The following ADAP1 variants were observed in gnomAD, a reference collection of about 807,000 sequenced individuals.
ADAP1 encodes arf-GAP with dual PH domain-containing protein 1.
A neutral mutation model predicts 54.9 loss-of-function variants in ADAP1; 31 were observed. That is an observed-to-expected ratio of 0.56 (90% CI 0.42 to 0.76). The LOEUF is 0.76. Ranked by LOEUF, ADAP1 falls within the 30% of genes least tolerant of loss-of-function variation. The probability of loss-of-function intolerance (pLI) is 0.00; values close to 1 mark genes in which losing one functional copy is unlikely to be tolerated. For missense variants in ADAP1, 535 were observed against 512.4 expected (o/e 1.04, Z -0.42); for synonymous variants, 313 against 202.6 (o/e 1.55, Z -4.63).
In ADAP1 at chr7:938,526, A is replaced by G. The variant is rs1036197373; in HGVS notation, c.83-3021T>C. Among the ~76,000 whole-genome samples the G allele has an allele frequency of 4.6e-5, 7 of 152,102 alleles. No homozygotes were observed. Among genetic ancestry groups the G allele is most frequent in the Admixed American group, 3.9e-4 (6 of 15,270 alleles). ...CACACCCCTGGAGAACAGGTGGGGAAGAACCACACTGAAGTCCCAGAAGAG... is the reference window on the plus strand; with the variant it reads ...CACACCCCTGGAGAACAGGTGGGGAGGAACCACACTGAAGTCCCAGAAGAG... On this transcript the variant is annotated intron_variant, in intron 1 of 10. Coordinates refer to ENST00000265846, the MANE Select transcript of ADAP1 (RefSeq NM_006869.4). This position sits in a 1 kb window ranked among gnomAD's most constrained non-coding sequence, Gnocchi z 4.4.
rs1183375519 is a variant in ADAP1 at position 946,476 on chromosome 7, C to G, written c.82+7920G>C. Among the ~76,000 whole-genome samples, 1 of 152,222 alleles carries G rather than the reference C, an allele frequency of 6.6e-6. No homozygotes were observed. Among genetic ancestry groups the G allele is most frequent in the African/African-American group, 2.4e-5 (1 of 41,452 alleles). On this transcript the variant is annotated intron_variant, in intron 1 of 10. Coordinates refer to ENST00000265846, the MANE Select transcript of ADAP1 (RefSeq NM_006869.4). This position sits in a 1 kb window ranked among gnomAD's most constrained non-coding sequence, Gnocchi z 4.3. ...CTACCCGGTTCAGGGACACGTGCCCCTCTCCTGGATCCCTCCCAGCAGCAC... is the reference window on the plus strand; with the variant it reads ...CTACCCGGTTCAGGGACACGTGCCCGTCTCCTGGATCCCTCCCAGCAGCAC...
chr7:905,259 T>C (rs1322479939), intron 4 of ADAP1, 87 bp from the exon 5 acceptor site: 5 of 619,994 alleles, frequency 8.1e-6, no homozygotes, highest in African/African-American at 3.0e-5. Flanking sequence ...AGAGGGGACA[T>C]GGGGAGAAGA....
intron 3 of ADAP1, among the ~76,000 whole-genome samples, chr7:923,590 C>T (rs762419956): frequency 2.0e-5 from 3 of 152,060 alleles, no homozygotes; most frequent in East Asian, 3.9e-4. Context: ...CCCTCCCCTG[C>T]GGGTGCAGCC....
At position 920,013 on chromosome 7, in the gene ADAP1, G is replaced by A. The variant is rs1267576870; in HGVS notation, c.343C>T (p.Arg115Ter). 2.5e-6 allele frequency: 4 copies of A among 1,607,656 alleles called. No individual in the cohort carries two copies. The highest frequency in any genetic ancestry group is 3.4e-6 in the Non-Finnish European group (4 of 1,179,522). ...TTCTCCGGGTAGATGAACTCCTGTCGCTCGTACTTGGCCCGGATCCACTGC... is the reference window on the plus strand; with the variant it reads ...TTCTCCGGGTAGATGAACTCCTGTCACTCGTACTTGGCCCGGATCCACTGC... ...REQWIRAKYE[R>*]QEFIYPEKQE... Residue 115 changes from arginine to a stop codon, truncating the protein, a stop_gained, in exon 4 of 11, where the codon CGA (arginine) becomes TGA (stop). Transcript: ENST00000265846. LOFTEE classifies it high-confidence loss of function. This position sits in a 1 kb window ranked among gnomAD's most constrained non-coding sequence, Gnocchi z 4.5.
At chr7:903,997 G>A (rs553550679) in intron 6 of ADAP1, 129 bp downstream of exon 6, 89 of 1,270,086 alleles carry the variant, frequency 7.0e-5, no homozygotes, top group Middle Eastern at 2.8e-4. Flanking sequence ...CCGACTTCCC[G>A]CCTTCTCATG....
intron 1 of ADAP1, among the ~76,000 whole-genome samples, chr7:935,842 A>G (rs1414070410): frequency 1.3e-5 from 2 of 152,182 alleles, no homozygotes; most frequent in Non-Finnish European, 2.9e-5. Context: ...GGCACTCGTG[A>G]GGATGGGTCC....
chr7:904,136 T>C lies in ADAP1; in HGVS notation c.638A>G (p.Glu213Gly). 1.2e-6 allele frequency: 2 copies of C among 1,612,422 alleles called. No homozygotes were observed. Among genetic ancestry groups the C allele is most frequent in the Non-Finnish European group, 1.7e-6 (2 of 1,179,798 alleles). The change falls in exon 6 of 11, where the codon GAG (glutamate) becomes GGG (glycine). Residue 213 changes from glutamate (E) to glycine (G), a missense_variant. Glu to Gly is a moderately conservative substitution (Grantham distance 98). Transcript: ENST00000265846. ...CTCGCCAGCACCCACCTTCCCGTCC[T>C]CATGGTAGATGAAGATGTTACGGGT... The part of the protein sequence containing the change: ...NSTRNIFIYH[E>G]DGKEIVDWFN...
At chr7:916,186 G>A (rs751148049) in intron 4 of ADAP1, among the ~76,000 whole-genome samples, 2 of 152,206 alleles carry the variant, frequency 1.3e-5, no homozygotes, top group Non-Finnish European at 2.9e-5. Flanking sequence ...CTGGCAGCCC[G>A]GGAGAGCAGG....
intron 4 of ADAP1, among the ~76,000 whole-genome samples, chr7:906,731 GGGGGACAGAGT>G (rs1845442492): frequency 6.8e-5 from 2 of 29,266 alleles, no homozygotes; most frequent in Admixed American, 6.6e-4. Flanking sequence ...GACGGGACAT[GGGGGACAGAGT>G]ACATAGGGGA....
At position 926,340 on chromosome 7, in the gene ADAP1, G is replaced by GCCCCACCCCAGCGCC. The variant is rs1454238484; in HGVS notation, c.305+198_305+212dup. The stretch of plus-strand genomic sequence containing the variant: ...CTACTGATGCACAATGACCTTCCCA[G>GCCCCACCCCAGCGCC]CCCCACCCCAGCGCCCCCCGCCCCA... On this transcript the variant is annotated intron_variant, in intron 3 of 10. Transcript: ENST00000265846. This position sits in a 1 kb window ranked among gnomAD's most constrained non-coding sequence, Gnocchi z 4.6. Among the ~76,000 whole-genome samples, 48 of 72,112 alleles carry GCCCCACCCCAGCGCC rather than the reference G, an allele frequency of 6.7e-4. 1 individual carries two copies. Among genetic ancestry groups the GCCCCACCCCAGCGCC allele is most frequent in the Admixed American group, 5.5e-3 (40 of 7,278 alleles). 47.3% of individuals were successfully genotyped at this position (72,112 alleles called of 152,430 possible). A position where few individuals can be genotyped will look rare whatever the true frequency, so the allele number is the denominator to read the frequency against.
chr7:912,132 C>T (rs955573784), intron 4 of ADAP1, among the ~76,000 whole-genome samples: 4 of 152,172 alleles, frequency 2.6e-5, no homozygotes, highest in African/African-American at 4.8e-5. Context: ...TTTACGGCAA[C>T]GGTCGGCCCA....
intron 4 of ADAP1, among the ~76,000 whole-genome samples, chr7:906,650 A>G (rs865976884): frequency 2.9e-5 from 3 of 104,148 alleles, no homozygotes; most frequent in Admixed American, 9.5e-5. Flanking sequence ...AAGGGAAAGG[A>G]GAAAGGGGGC....
In ADAP1 at chr7:942,272, TGAGA is replaced by T. The variant is rs1015102307; in HGVS notation, c.83-6771_83-6768del. ...ATACAACACCAAAGGCAGAATCCAC[TGAGA>T]GAGAGAGGAGGAGGAAGAGAGAGGA... On this transcript the variant is annotated intron_variant, in intron 1 of 10. Transcript: ENST00000265846. Among the ~76,000 whole-genome samples, 8 of 145,312 alleles carry T rather than the reference TGAGA, an allele frequency of 5.5e-5. No homozygotes were observed. The East Asian group carries it at 1.5e-3, about 27-fold the overall frequency.
chr7:950,562 GA>G (rs1163650190), intron 1 of ADAP1, among the ~76,000 whole-genome samples: 18 of 151,306 alleles, frequency 1.2e-4, no homozygotes, highest in Non-Finnish European at 2.2e-4. Flanking sequence ...GATTCATAGA[GA>G]CAGAAAGTTG....
chr7:911,402 G>T (rs559912833), intron 4 of ADAP1, among the ~76,000 whole-genome samples: 2 of 152,318 alleles, frequency 1.3e-5, no homozygotes, highest in South Asian at 4.1e-4. Flanking sequence ...GGCTGCAGGA[G>T]GGGCCACCCT....
At chr7:933,482 AGAGCCG>A (rs1846649046) in intron 2 of ADAP1, among the ~76,000 whole-genome samples, 2 of 47,724 alleles carry the variant, frequency 4.2e-5, no homozygotes, top group Non-Finnish European at 1.3e-4. Context: ...GTGGTGCTGG[AGAGCCG>A]GGGGCCGGGG....
intron 4 of ADAP1, among the ~76,000 whole-genome samples, chr7:906,711 G>C (rs1226960974): frequency 1.0e-4 from 3 of 29,416 alleles, no homozygotes; most frequent in African/African-American, 3.7e-4. Flanking sequence ...ATGGGGGACG[G>C]GACATCGGGG....
intron 1 of ADAP1, among the ~76,000 whole-genome samples, chr7:936,836 G>C (rs948812633): frequency 2.0e-5 from 3 of 152,220 alleles, no homozygotes; most frequent in Non-Finnish European, 4.4e-5. Context: ...GGAATCATGA[G>C]TGGAGAGGAC....
chr7:926,480 C>G lies in ADAP1; in HGVS notation c.305+73G>C. The G allele has an allele frequency of 7.4e-7, 1 of 1,345,278 alleles. No homozygotes were observed. Among genetic ancestry groups the G allele is most frequent in the African/African-American group, 1.6e-5 (1 of 64,054 alleles). 83.3% of individuals were successfully genotyped at this position (1,345,278 alleles called of 1,614,324 possible). A position where few individuals can be genotyped will look rare whatever the true frequency, so the allele number is the denominator to read the frequency against. ...GGCGGCACCCAACTCCCCACCCTGC[C>G]GGGTCCTCCCGGGGCCATCTCGGAG... is the stretch of plus-strand genomic sequence containing the variant. On this transcript the variant is annotated intron_variant, in intron 3 of 10. Transcript: ENST00000265846. This position sits in a 1 kb window ranked among gnomAD's most constrained non-coding sequence, Gnocchi z 4.6.
Sources: gnomAD v4.1 joint callset for allele counts (sites outside exome capture counted in the v4.1 genomes callset) on GRCh38, gnomAD v4.1.1 for gene constraint, Gnocchi (gnomAD v3.1) non-coding constraint, MANE v1.5 for transcripts, NCBI Gene and HGNC (gene_info 2026-07-23, HGNC 2026-07-21) for gene names.